TMIE: variants seen among roughly 807,000 people sequenced by gnomAD.
The protein encoded by TMIE is transmembrane inner ear expressed protein.
In TMIE, 14 loss-of-function variants were observed where a neutral mutation model predicts 16.8. The ratio of observed to expected loss-of-function variants is 0.83; its 90% CI spans 0.55 to 1.30. The LOEUF is 1.30. Ranked by LOEUF, TMIE falls within the 50% of genes most tolerant of loss-of-function variation. The probability of loss-of-function intolerance (pLI) is 0.00; values close to 1 mark genes in which losing one functional copy is unlikely to be tolerated. For synonymous variants in TMIE, 75 were observed against 87.2 expected (o/e 0.86, Z 0.78); for missense variants, 204 against 205.9 (o/e 0.99, Z 0.06).
At chr3:46,693,951 C>T (rs1369640187), upstream of TMIE, among the ~76,000 whole-genome samples, 1 of 152,054 alleles carries the variant, frequency 6.6e-6, no homozygotes, top group Non-Finnish European at 1.5e-5. Flanking sequence ...CCCCTCCGCC[C>T]CCTACGCACC....
At chr3:46,707,452 A>T (rs772231723) in intron 2 of TMIE, among the ~76,000 whole-genome samples, 1 of 152,172 alleles carries the variant, frequency 6.6e-6, no homozygotes, top group Non-Finnish European at 1.5e-5. Flanking sequence ...GGATCTAGGC[A>T]GTGGGGGCAA....
At chr3:46,708,502 G>T (rs1575470257) in intron 2 of TMIE, among the ~76,000 whole-genome samples, 2 of 152,340 alleles carry the variant, frequency 1.3e-5, no homozygotes, top group East Asian at 3.9e-4. Flanking sequence ...CCAGCTCCAT[G>T]ACCTGGCCCA....
chr3:46,695,741 G>A (rs928970603), intron 1 of TMIE, among the ~76,000 whole-genome samples: 1 of 152,150 alleles, frequency 6.6e-6, no homozygotes. Flanking sequence ...GCCTGGGCTC[G>A]AGCAGGAAGG....
intron 2 of TMIE, among the ~76,000 whole-genome samples, chr3:46,707,670 C>T (rs1045210067): frequency 1.3e-5 from 2 of 152,234 alleles, no homozygotes; most frequent in African/African-American, 4.8e-5. Flanking sequence ...ATCTCCCCTT[C>T]TTTGAAGAGA....
At chr3:46,705,689 G>C in intron 1 of TMIE, 101 bp from the exon 2 acceptor site, 1 of 969,816 alleles carries the variant, frequency 1.0e-6, no homozygotes, top group East Asian at 2.4e-5. Context: ...AGGAGATTCT[G>C]ATATGCTTGG....
chr3:46,709,343 C>T (rs1323616360), intron 3 of TMIE, 68 bp downstream of exon 3: 4 of 1,609,992 alleles, frequency 2.5e-6, no homozygotes, highest in Non-Finnish European at 3.4e-6. Context: ...TGGAGTCACC[C>T]TGTTCCTCTG....
At chr3:46,698,818 C>A, upstream of TMIE, among the ~76,000 whole-genome samples, 1 of 151,898 alleles carries the variant, frequency 6.6e-6, no homozygotes, top group East Asian at 1.9e-4. Flanking sequence ...ACCTAAGTTT[C>A]TTTTTCTTTT....
upstream of TMIE, among the ~76,000 whole-genome samples, chr3:46,697,893 G>A (rs117157751): frequency 3.2e-4 from 49 of 152,190 alleles, no homozygotes; most frequent in East Asian, 3.9e-3. Context: ...GTTGGTGTAC[G>A]AGCAGAGGAA....
At chr3:46,697,123 G>GA (rs11411968), upstream of TMIE, among the ~76,000 whole-genome samples, 52,240 of 150,914 alleles carry the variant, frequency 0.35, 10,527 homozygotes, top group African/African-American at 0.57. Flanking sequence ...AAAGATGGGG[G>GA]AAAAAAAAAC....
chr3:46,704,220 C>T (rs1700514344), intron 1 of TMIE, among the ~76,000 whole-genome samples: 1 of 149,590 alleles, frequency 6.7e-6, no homozygotes. Flanking sequence ...CCCCTAGACA[C>T]CCAGGGCGGA....
rs1487816307 is a variant in TMIE at position 46,709,905 on chromosome 3, C to T, written c.*217C>T. On this transcript the variant is annotated 3_prime_UTR_variant, in exon 4 of 4. Transcript: ENST00000643606. ...AGCCTAGGCTTGGCTCCTTTCACCC[C>T]ATCCACATGGGTACTGTCTCGGCAG... is the stretch of plus-strand genomic sequence containing the variant. 2 of 876,868 alleles carry T rather than the reference C, an allele frequency of 2.3e-6. No individual in the cohort carries two copies. The highest frequency in any genetic ancestry group is 2.8e-5 in the East Asian group (1 of 35,252). The allele number at this position is 876,868 out of a possible 1,614,324, so 54.3% of individuals were successfully genotyped here. A position where few individuals can be genotyped will look rare whatever the true frequency, so the allele number is the denominator to read the frequency against.
upstream of TMIE, among the ~76,000 whole-genome samples, chr3:46,699,501 T>A (rs1307491012): frequency 6.6e-6 from 1 of 152,164 alleles, no homozygotes; most frequent in African/African-American, 2.4e-5. Context: ...TGTGATAGTA[T>A]TTGGCTGTGG....
At chr3:46,705,375 T>C (rs998596962) in intron 1 of TMIE, among the ~76,000 whole-genome samples, 1 of 152,064 alleles carries the variant, frequency 6.6e-6, no homozygotes, top group Non-Finnish European at 1.5e-5. Context: ...CCACCCTCAC[T>C]GGGGAGATGT....
upstream of TMIE, among the ~76,000 whole-genome samples, chr3:46,699,295 T>C (rs369125983): frequency 2.6e-4 from 40 of 152,156 alleles, 1 homozygote; most frequent in East Asian, 7.7e-4. Context: ...TGGTCTCGAC[T>C]CCTGACCTCG....
intron 2 of TMIE, among the ~76,000 whole-genome samples, chr3:46,708,349 C>T (rs1700577286): frequency 6.6e-6 from 1 of 152,168 alleles, no homozygotes; most frequent in South Asian, 2.1e-4. Context: ...TATGTCTGGT[C>T]ATCTGATTTA....
chr3:46,706,937 C>T (rs1207817177), intron 2 of TMIE, among the ~76,000 whole-genome samples: 1 of 152,202 alleles, frequency 6.6e-6, no homozygotes, highest in Non-Finnish European at 1.5e-5. Flanking sequence ...AGAGCCCACC[C>T]AGATGTGAGG....
At chr3:46,704,356 CCAAGGTGGACCATGTCCCTAGACACT>C (rs1291882617) in intron 1 of TMIE, among the ~76,000 whole-genome samples, 2 of 150,012 alleles carry the variant, frequency 1.3e-5, no homozygotes, top group Admixed American at 1.3e-4. Flanking sequence ...CCCTAGACAC[CCAAGGTGGACCATGTCCCTAGACACT>C]CAGGGTGGAC....
chr3:46,698,873 G>A (rs1157122247), upstream of TMIE, among the ~76,000 whole-genome samples: 1 of 150,262 alleles, frequency 6.7e-6, no homozygotes, highest in Non-Finnish European at 1.5e-5. Context: ...AGAGAGACAG[G>A]GGTCTCACTA....
intron 3 of TMIE, 30 bp from the exon 4 acceptor site, chr3:46,709,549 A>G (rs752921050): frequency 1.1e-5 from 18 of 1,613,318 alleles, no homozygotes; most frequent in Admixed American, 5.0e-5. Context: ...TCTCACCACT[A>G]TCACATGGTC....
Sources: allele counts gnomAD v4.1 joint callset (sites outside exome capture counted in the v4.1 genomes callset), GRCh38; gene constraint gnomAD v4.1.1; transcripts MANE v1.5; gene names NCBI Gene and HGNC (gene_info 2026-07-23, HGNC 2026-07-21).